CD1B: variants seen among roughly 807,000 people sequenced by gnomAD.
CD1B encodes the protein T-cell surface glycoprotein CD1b.
In CD1B, 43 loss-of-function variants were observed where a neutral mutation model predicts 39.8. The observed-to-expected ratio is 1.08, with a 90% CI of 0.85 to 1.39. The LOEUF (loss-of-function observed/expected upper bound fraction) is 1.39, where lower values mean the gene tolerates loss of function less well. Among genes scored for constraint, CD1B ranks in the 40% most tolerant of loss-of-function variants. CD1B has a pLI of 0.00. For missense variants in CD1B, 495 were observed against 403.8 expected (o/e 1.23, Z -1.94); for synonymous variants, 192 against 152.5 (o/e 1.26, Z -1.91).
At chr1:158,290,187 C>G in the CD1B span, 2 of 1,438,876 alleles carry the variant, frequency 1.4e-6, no homozygotes, top group Non-Finnish European at 2.0e-6. Flanking sequence ...CTGGGCTTTC[C>G]CGAGATGGAT....
In CD1B at chr1:158,329,841, G is replaced by A; in HGVS notation, c.607+11C>T. 1.2e-6 allele frequency: 2 copies of A among 1,608,012 alleles called. No individual in the cohort carries two copies. Among genetic ancestry groups the A allele is most frequent in the Non-Finnish European group, 1.7e-6 (2 of 1,176,696 alleles). ...GGAGGTGGTGGGAAGTGAAATAACA[G>A]CAGGACTAACCTTGTCTTTGCAGAT... On this transcript the variant is annotated intron_variant, in intron 3 of 5. Coordinates refer to ENST00000368168, the MANE Select transcript of CD1B (RefSeq NM_001764.3).
downstream of CD1B, among the ~76,000 whole-genome samples, chr1:158,324,622 G>A (rs1557818488): frequency 6.6e-6 from 1 of 152,168 alleles, no homozygotes; most frequent in Non-Finnish European, 1.5e-5. Context: ...ATATGAGCTT[G>A]TGATGATATT....
At chr1:158,312,136 C>A in the CD1B span, among the ~76,000 whole-genome samples, 1 of 152,034 alleles carries the variant, frequency 6.6e-6, no homozygotes, top group East Asian at 1.9e-4. Context: ...ACATAAAATA[C>A]GATATGATTT....
the CD1B span, among the ~76,000 whole-genome samples, chr1:158,297,135 C>G: frequency 6.6e-6 from 1 of 152,072 alleles, no homozygotes; most frequent in Non-Finnish European, 1.5e-5. Flanking sequence ...AAACCATCCT[C>G]AAGATACACA....
chr1:158,290,113 G>C, the CD1B span: 1 of 1,613,946 alleles, frequency 6.2e-7, no homozygotes, highest in Non-Finnish European at 8.5e-7. Context: ...CCCAGGTGGT[G>C]ACAATGCAGA....
the CD1B span, among the ~76,000 whole-genome samples, chr1:158,308,274 G>A: frequency 2.2e-3 from 342 of 152,170 alleles, 2 homozygotes; most frequent in African/African-American, 8.0e-3. Context: ...CAACTTACAA[G>A]GGATGTGAAG....
the CD1B span, among the ~76,000 whole-genome samples, chr1:158,321,528 G>T: frequency 2.6e-5 from 4 of 152,272 alleles, no homozygotes; most frequent in African/African-American, 9.6e-5. Context: ...AATAGGTAAG[G>T]AGGTACTACT....
At chr1:158,324,357 C>T (rs1489626588), downstream of CD1B, among the ~76,000 whole-genome samples, 2 of 152,286 alleles carry the variant, frequency 1.3e-5, no homozygotes, top group East Asian at 1.9e-4. Context: ...GAGGCTTCTA[C>T]AGAGAGACTT....
At chr1:158,315,134 T>C in the CD1B span, among the ~76,000 whole-genome samples, 290 of 152,042 alleles carry the variant, frequency 1.9e-3, no homozygotes, top group African/African-American at 6.8e-3. Flanking sequence ...CATGTGTCTT[T>C]ATAGCAGCAT....
At chr1:158,315,030 C>A in the CD1B span, among the ~76,000 whole-genome samples, 1 of 147,822 alleles carries the variant, frequency 6.8e-6, no homozygotes, top group Non-Finnish European at 1.5e-5. Context: ...TGTATATATG[C>A]CACATTTTCT....
downstream of CD1B, among the ~76,000 whole-genome samples, chr1:158,326,065 G>A (rs1396502659): frequency 6.6e-6 from 1 of 152,148 alleles, no homozygotes; most frequent in Non-Finnish European, 1.5e-5. Flanking sequence ...CGCCTCCCGG[G>A]TTCATGCCAT....
the CD1B span, among the ~76,000 whole-genome samples, chr1:158,316,064 T>C: frequency 2.0e-5 from 3 of 152,048 alleles, no homozygotes; most frequent in Non-Finnish European, 4.4e-5. Flanking sequence ...ACTGTAGCCT[T>C]GTAGTATAGT....
At chr1:158,299,694 T>C in the CD1B span, among the ~76,000 whole-genome samples, 1 of 152,238 alleles carries the variant, frequency 6.6e-6, no homozygotes, top group Admixed American at 6.5e-5. Flanking sequence ...GAGATTCAAC[T>C]TCTTCCTGGT....
the CD1B span, among the ~76,000 whole-genome samples, chr1:158,299,616 T>A: frequency 1.3e-5 from 2 of 152,240 alleles, no homozygotes. Context: ...CATCTGGTCC[T>A]GGACTTTTTT....
chr1:158,294,054 AAC>A, the CD1B span, among the ~76,000 whole-genome samples: 1 of 152,186 alleles, frequency 6.6e-6, no homozygotes, highest in Non-Finnish European at 1.5e-5. Flanking sequence ...TTTCTCCTTA[AAC>A]ATTTAAGGAA....
At chr1:158,297,909 C>T in the CD1B span, among the ~76,000 whole-genome samples, 1 of 148,144 alleles carries the variant, frequency 6.8e-6, no homozygotes, top group Middle Eastern at 3.6e-3. Context: ...GCACTTCGGC[C>T]TAAGTAACAG....
chr1:158,289,616 T>C, the CD1B span, among the ~76,000 whole-genome samples: 1 of 152,112 alleles, frequency 6.6e-6, no homozygotes, highest in South Asian at 2.1e-4. Context: ...GAGGGGACAC[T>C]ATGGAGAGTG....
chr1:158,315,295 T>G, the CD1B span, among the ~76,000 whole-genome samples: 38 of 152,070 alleles, frequency 2.5e-4, no homozygotes, highest in African/African-American at 8.7e-4. Context: ...TGTTCCTATT[T>G]CTCCACATCC....
chr1:158,307,660 A>G, the CD1B span, among the ~76,000 whole-genome samples: 1 of 152,302 alleles, frequency 6.6e-6, no homozygotes, highest in East Asian at 1.9e-4. Context: ...AATATCCCTG[A>G]CGAACATCGA....
Sources: allele counts gnomAD v4.1 joint callset (sites outside exome capture counted in the v4.1 genomes callset), GRCh38; gene constraint gnomAD v4.1.1; transcripts MANE v1.5; gene names NCBI Gene and HGNC (gene_info 2026-07-23, HGNC 2026-07-21).